BAZ1B: variants seen among roughly 807,000 people sequenced by gnomAD.
BAZ1B encodes bromodomain adjacent to zinc finger domain 1B, also known as tyrosine-protein kinase BAZ1B.
Under a neutral mutation model 153.8 loss-of-function variants are expected in BAZ1B, and 22 were observed. That is an observed-to-expected ratio of 0.14 (90% CI 0.10 to 0.20). The LOEUF is 0.20. Among genes scored for constraint, BAZ1B ranks in the 10% least tolerant of loss-of-function variants. The pLI is 1.00. For synonymous variants in BAZ1B, 676 were observed against 633.4 expected, an observed-to-expected ratio of 1.07 and a Z score of -1.01; for missense variants, 1,325 against 1,799.3, an observed-to-expected ratio of 0.74 and a Z score of 4.77.
chr7:73,479,575 C>A (rs1554573412), intron 6 of BAZ1B, among the ~76,000 whole-genome samples: 2 of 151,492 alleles, frequency 1.3e-5, no homozygotes, highest in African/African-American at 4.9e-5. Context: ...TTTGAACATA[C>A]CCTCTTATGT....
In BAZ1B at chr7:73,440,839, T is replaced by C. The variant is rs782271897; in HGVS notation, c.*870A>G. 5 of 152,494 alleles carry C rather than the reference T, an allele frequency of 3.3e-5. No individual in the cohort carries two copies. The highest frequency in any genetic ancestry group is 1.3e-4 in the Admixed American group (2 of 15,272). 9.4% of individuals were successfully genotyped at this position (152,494 alleles called of 1,614,324 possible). A position where few individuals can be genotyped will look rare whatever the true frequency, so the allele number is the denominator to read the frequency against. ...ACAGAAGAGCTTGGGTGCTCAAAAT[T>C]TCCAAATTCAAAGGTGATAAAAAAG... On this transcript the variant is annotated 3_prime_UTR_variant, in exon 20 of 20. Transcript: ENST00000339594.
At chr7:73,457,470 G>A (rs1047392221) in intron 13 of BAZ1B, among the ~76,000 whole-genome samples, 2 of 152,228 alleles carry the variant, frequency 1.3e-5, no homozygotes, top group Non-Finnish European at 2.9e-5. Flanking sequence ...GAGCCACCAC[G>A]CCCGGCCGGG....
intron 15 of BAZ1B, among the ~76,000 whole-genome samples, chr7:73,447,881 G>A (rs549742565): frequency 3.7e-4 from 56 of 152,254 alleles, no homozygotes; most frequent in African/African-American, 1.3e-3. Context: ...ATCCCAGCTC[G>A]GAACAGCTGG....
intron 11 of BAZ1B, among the ~76,000 whole-genome samples, chr7:73,463,700 TTTGTC>T (rs1788474185): frequency 6.6e-6 from 1 of 151,830 alleles, no homozygotes; most frequent in South Asian, 2.1e-4. Flanking sequence ...GACATTTTCC[TTTGTC>T]TTTTTTTTTT....
chr7:73,457,386 C>T (rs1788245760), intron 13 of BAZ1B, among the ~76,000 whole-genome samples: 1 of 152,002 alleles, frequency 6.6e-6, no homozygotes, highest in Admixed American at 6.6e-5. Context: ...CCATGTTGGC[C>T]AGGCTGGTCT....
In BAZ1B at chr7:73,442,331, C is replaced by G. The variant is rs1410016327; in HGVS notation, c.4317G>C (p.Leu1439=). The G allele has an allele frequency of 7.4e-6, 12 of 1,614,104 alleles. No homozygotes were observed. The highest frequency in any genetic ancestry group is 9.3e-6 in the Non-Finnish European group (11 of 1,180,060). Residue 1439 remains leucine, a synonymous_variant, in exon 19 of 20, where the codon CTG becomes CTC. Transcript: ENST00000339594. ...GGTGGCCAGGAAGGTGTTTATGCAACAGAGCCACTAGACACTGTTCTGTCT... is the reference window on the plus strand; with the variant it reads ...GGTGGCCAGGAAGGTGTTTATGCAAGAGAGCCACTAGACACTGTTCTGTCT... ...MVKTEQCLVA[L]LHKHLPGHPY... is the part of the protein sequence containing the mutation.
intron 4 of BAZ1B, among the ~76,000 whole-genome samples, chr7:73,495,545 T>C (rs184929840): frequency 1.3e-5 from 2 of 152,210 alleles, no homozygotes; most frequent in East Asian, 3.9e-4. Context: ...TAGGAGACAG[T>C]GGTATCAAGC....
At chr7:73,491,555 C>T (rs183307754) in intron 5 of BAZ1B, among the ~76,000 whole-genome samples, 6 of 151,988 alleles carry the variant, frequency 3.9e-5, no homozygotes, top group East Asian at 1.9e-4. Flanking sequence ...GCCGAGATTG[C>T]GCCATTGCAC....
At chr7:73,518,281 C>T (rs1024676346) in intron 1 of BAZ1B, among the ~76,000 whole-genome samples, 1 of 150,466 alleles carries the variant, frequency 6.6e-6, no homozygotes, top group Non-Finnish European at 1.5e-5. Context: ...GGCGTGGTGG[C>T]GGGCGCCTGT....
At position 73,465,306 on chromosome 7, in the gene BAZ1B, T is replaced by C. The variant is rs1788539673; in HGVS notation, c.3071+133A>G. 4.6e-5 allele frequency: 26 copies of C among 559,350 alleles called. 1 individual carries two copies. The South Asian group carries it at 7.4e-4, about 16-fold the overall frequency. The allele number at this position is 559,350 out of a possible 1,614,324, so 34.6% of individuals were successfully genotyped here. On this transcript the variant is annotated intron_variant, in intron 11 of 19. Coordinates refer to ENST00000339594, the MANE Select transcript of BAZ1B (RefSeq NM_032408.4). ...TATGCCAAGAAAATACCAGGCAATA[T>C]GAACACAAAACGGTTACACATTTAA...
At chr7:73,456,937 C>CAAAAAAAAAAAAAA (rs71071937) in intron 13 of BAZ1B, among the ~76,000 whole-genome samples, 6 of 39,550 alleles carry the variant, frequency 1.5e-4, no homozygotes, top group Non-Finnish European at 2.3e-4. Context: ...GACTCTGTCT[C>CAAAAAAAAAAAAAA]AAAAAAAAAA....
chr7:73,462,847 C>CT (rs1268322970), intron 12 of BAZ1B, 75 bp downstream of exon 12: 5 of 1,531,254 alleles, frequency 3.3e-6, no homozygotes, highest in Non-Finnish European at 4.5e-6. Context: ...GTTGGGAAGT[C>CT]AAGAACAGCA....
intron 1 of BAZ1B, among the ~76,000 whole-genome samples, chr7:73,512,845 T>G (rs34515960): frequency 6.6e-6 from 1 of 150,384 alleles, no homozygotes; most frequent in South Asian, 2.1e-4. Context: ...TTTTGTTTTT[T>G]GGAAACAAGG....
At chr7:73,442,044 A>G (rs1787637685) in intron 19 of BAZ1B, 137 bp downstream of exon 19, 2 of 652,458 alleles carry the variant, frequency 3.1e-6, no homozygotes, top group East Asian at 5.3e-5. Flanking sequence ...AGCCCCATAA[A>G]GAGCTTTTAG....
chr7:73,516,807 A>G (rs1484949307), intron 1 of BAZ1B, among the ~76,000 whole-genome samples: 63 of 150,928 alleles, frequency 4.2e-4, no homozygotes, highest in Non-Finnish European at 7.8e-4. Context: ...AAACAACTGT[A>G]AAAGAATTTC....
At chr7:73,520,418 C>T (rs782713553) in intron 1 of BAZ1B, among the ~76,000 whole-genome samples, 4 of 152,068 alleles carry the variant, frequency 2.6e-5, no homozygotes, top group Non-Finnish European at 4.4e-5. Flanking sequence ...GAGTAACATT[C>T]CACCTTCTTC....
rs1297297079 is a variant in BAZ1B at position 73,508,489 on chromosome 7, G to A, written c.225-18C>T. 1.9e-6 allele frequency: 3 copies of A among 1,590,076 alleles called. No individual in the cohort carries two copies. Among genetic ancestry groups the A allele is most frequent in the Admixed American group, 1.8e-5 (1 of 55,538 alleles). On this transcript the variant is annotated intron_variant, in intron 2 of 19. Transcript: ENST00000339594. ...CCTTCAAACTAAATAAATGTAATTA[G>A]TTATCAAGAAAACACAGAAACACCT... is the stretch of plus-strand genomic sequence containing the variant.
At chr7:73,444,239 G>A in intron 16 of BAZ1B, 110 bp from the exon 17 acceptor site, 1 of 1,277,874 alleles carries the variant, frequency 7.8e-7, no homozygotes. Context: ...GACAAGGAAA[G>A]CAGTGGCCTC....
intron 7 of BAZ1B, among the ~76,000 whole-genome samples, chr7:73,474,397 C>G (rs187894656): frequency 2.0e-5 from 3 of 152,150 alleles, no homozygotes; most frequent in African/African-American, 7.2e-5. Flanking sequence ...AACACCAAAT[C>G]TATAAGTAAC....
Sources: allele counts gnomAD v4.1 joint callset (sites outside exome capture counted in the v4.1 genomes callset), GRCh38; gene constraint gnomAD v4.1.1; transcripts MANE v1.5; gene names NCBI Gene and HGNC (gene_info 2026-07-23, HGNC 2026-07-21).